Variants in SLC3A1 observed in about 807,000 individuals in gnomAD.
SLC3A1 encodes the protein amino acid transporter heavy chain SLC3A1.
A neutral mutation model predicts 60.3 loss-of-function variants in SLC3A1; 78 were observed. The observed-to-expected ratio is 1.29, with a 90% CI of 1.08 to 1.56. The LOEUF (loss-of-function observed/expected upper bound fraction) is 1.56, where lower values mean the gene tolerates loss of function less well. Ranked by LOEUF, SLC3A1 falls within the 40% of genes most tolerant of loss-of-function variation. The pLI is 0.00. For missense variants in SLC3A1, 1,172 were observed against 858.9 expected, an observed-to-expected ratio of 1.36 and a Z score of -4.56; for synonymous variants, 392 against 307.9, an observed-to-expected ratio of 1.27 and a Z score of -2.86.
intron 4 of SLC3A1, among the ~76,000 whole-genome samples, chr2:44,297,080 A>T (rs1284618279): frequency 6.6e-6 from 1 of 152,224 alleles, no homozygotes. Flanking sequence ...TACACAAGTG[A>T]ACTGTGGGAT....
chr2:44,285,061 A>T (rs1344168215), intron 3 of SLC3A1: 1 of 152,012 alleles, frequency 6.6e-6, no homozygotes, highest in Non-Finnish European at 1.5e-5. Context: ...CTTTTGAATT[A>T]TTTATCCCTT....
intron 3 of SLC3A1, among the ~76,000 whole-genome samples, chr2:44,284,492 C>A (rs559781223): frequency 8.5e-5 from 13 of 152,106 alleles, no homozygotes; most frequent in African/African-American, 2.7e-4. Context: ...CAATTTATAT[C>A]CCCCACAGAA....
intron 7 of SLC3A1, among the ~76,000 whole-genome samples, chr2:44,310,490 TAAG>T: frequency 6.6e-6 from 1 of 152,354 alleles, no homozygotes; most frequent in Non-Finnish European, 1.5e-5. Context: ...TGGTTTCTGA[TAAG>T]AAGTCAGTTG....
downstream of SLC3A1, among the ~76,000 whole-genome samples, chr2:44,322,323 A>G (rs1673054057): frequency 6.6e-6 from 1 of 152,226 alleles, no homozygotes; most frequent in African/African-American, 2.4e-5. Context: ...ACAGCTAGCT[A>G]GAGGAAATTC....
chr2:44,321,920 G>C (rs1192640537), downstream of SLC3A1: 4 of 1,605,110 alleles, frequency 2.5e-6, no homozygotes, highest in Non-Finnish European at 3.4e-6. Context: ...TTAACATGTA[G>C]AACAATTAGA....
chr2:44,283,204 T>A (rs1404958599), intron 3 of SLC3A1, among the ~76,000 whole-genome samples: 1 of 152,164 alleles, frequency 6.6e-6, no homozygotes, highest in African/African-American at 2.4e-5. Context: ...ACACTCAGAA[T>A]TGATATATTT....
In SLC3A1 at chr2:44,320,074, G is replaced by A. The variant is rs1161397615; in HGVS notation, c.1618-125G>A. 1.4e-5 allele frequency: 10 copies of A among 710,502 alleles called. No homozygotes were observed. In the African/African-American group the frequency reaches 1.8e-4, roughly 13 times the overall value. 44.0% of individuals were successfully genotyped at this position (710,502 alleles called of 1,614,324 possible). On this transcript the variant is annotated intron_variant, in intron 9 of 9. Coordinates refer to ENST00000260649, the MANE Select transcript of SLC3A1 (RefSeq NM_000341.4). The stretch of plus-strand genomic sequence containing the variant: ...ACCTACTTATTGATGCTTACAATTT[G>A]GCAATTATAAGGGGCAAAATTGGAG...
At chr2:44,303,813 G>C in intron 6 of SLC3A1, 1 of 476,342 alleles carries the variant, frequency 2.1e-6, no homozygotes, top group Non-Finnish European at 3.9e-6. Context: ...TCCCACCTAT[G>C]AGTGAGAACA....
chr2:44,320,036 A>T (rs1672790752), intron 9 of SLC3A1, 163 bp from the exon 10 acceptor site: 1 of 623,260 alleles, frequency 1.6e-6, no homozygotes, highest in South Asian at 2.0e-5. Flanking sequence ...CAGTTTTTAT[A>T]TAAATTGTTC....
intron 7 of SLC3A1, among the ~76,000 whole-genome samples, chr2:44,306,941 C>T (rs1263018497): frequency 6.6e-6 from 1 of 152,048 alleles, no homozygotes; most frequent in Admixed American, 6.6e-5. Context: ...TGTCTCATTC[C>T]AGAGCATTTT....
chr2:44,315,953 G>A (rs1005934164), intron 9 of SLC3A1, among the ~76,000 whole-genome samples: 3 of 152,124 alleles, frequency 2.0e-5, no homozygotes, highest in Non-Finnish European at 1.5e-5. Flanking sequence ...TCTCAGAAAG[G>A]AGAGCTTTTA....
intron 7 of SLC3A1, among the ~76,000 whole-genome samples, chr2:44,309,654 C>T (rs1672244982): frequency 6.6e-6 from 1 of 152,308 alleles, no homozygotes; most frequent in South Asian, 2.1e-4. Context: ...GGCTAGAGTG[C>T]AGTGGTATGA....
downstream of SLC3A1, chr2:44,321,534 C>A: frequency 6.5e-7 from 1 of 1,539,214 alleles, no homozygotes; most frequent in Non-Finnish European, 8.8e-7. Flanking sequence ...CCATCTTTAC[C>A]TAACCGTGAA....
rs1200647382 is a variant in SLC3A1 at position 44,321,459 on chromosome 2, A to G, written c.*820A>G. On this transcript the variant is annotated 3_prime_UTR_variant, in exon 10 of 10. Transcript: ENST00000260649. ...TTGGGCTGTAATCTAAAAGAAACAC[A>G]TTAAAAAAATTAAATAGAAGGCCTT... 4 of 1,605,008 alleles carry G rather than the reference A, an allele frequency of 2.5e-6. No homozygotes were observed. Among genetic ancestry groups the G allele is most frequent in the Non-Finnish European group, 3.4e-6 (4 of 1,173,082 alleles).
At position 44,280,828 on chromosome 2, in the gene SLC3A1, G is replaced by A. The variant is rs1423961273; in HGVS notation, c.543G>A (p.Arg181=). 4 of 1,613,880 alleles carry A rather than the reference G, an allele frequency of 2.5e-6. No individual in the cohort carries two copies. The highest frequency in any genetic ancestry group is 3.4e-6 in the Non-Finnish European group (4 of 1,179,942). The change falls in exon 2 of 10, where the codon CGG becomes CGA. Residue 181 remains arginine, a synonymous_variant. Coordinates refer to ENST00000260649, the MANE Select transcript of SLC3A1 (RefSeq NM_000341.4). ...KDFRYGVEDF[R]EVDPIFGTME... is the part of the protein sequence containing the mutation. ...TCAGATATGGTGTTGAAGATTTCCG[G>A]GAAGTTGATCCCATTTTTGGAACGA...
At chr2:44,318,036 T>C in intron 9 of SLC3A1, 1 of 410,524 alleles carries the variant, frequency 2.4e-6, no homozygotes, top group South Asian at 1.7e-5. Context: ...ATAATTCCAT[T>C]CCTAATACTT....
intron 1 of SLC3A1, among the ~76,000 whole-genome samples, chr2:44,276,896 A>C (rs1312945538): frequency 6.6e-6 from 1 of 152,178 alleles, no homozygotes; most frequent in Non-Finnish European, 1.5e-5. Flanking sequence ...CAAGGCAACA[A>C]TAGGAAACAA....
chr2:44,322,257 G>A (rs1445640170), downstream of SLC3A1, among the ~76,000 whole-genome samples: 4 of 152,104 alleles, frequency 2.6e-5, no homozygotes, highest in Non-Finnish European at 1.5e-5. Context: ...CAGGGAGACT[G>A]ATATGGCATG....
At chr2:44,317,027 G>T (rs1361413404) in intron 9 of SLC3A1, among the ~76,000 whole-genome samples, 3 of 152,018 alleles carry the variant, frequency 2.0e-5, no homozygotes, top group African/African-American at 7.2e-5. Context: ...TGTTAGCAGG[G>T]AGGGTGTGTG....
Sources: allele counts gnomAD v4.1 joint callset (sites outside exome capture counted in the v4.1 genomes callset), GRCh38; gene constraint gnomAD v4.1.1; transcripts MANE v1.5; gene names NCBI Gene and HGNC (gene_info 2026-07-23, HGNC 2026-07-21).